TPTE: variants seen among roughly 807,000 people sequenced by gnomAD.
TPTE encodes the protein putative tyrosine-protein phosphatase TPTE.
TPTE carries 59 observed loss-of-function variants against 84.1 expected under a neutral mutation model. The ratio of observed to expected loss-of-function variants is 0.70; its 90% confidence interval spans 0.57 to 0.87. TPTE has a LOEUF of 0.87. TPTE is among the 40% of genes least tolerant of loss of function. The pLI is 0.00. For synonymous variants in TPTE, 130 were observed against 223.5 expected, an observed-to-expected ratio of 0.58 and a Z score of 3.73; for missense variants, 382 against 659.6, an observed-to-expected ratio of 0.58 and a Z score of 4.61.
intron 21 of TPTE, among the ~76,000 whole-genome samples, chr21:10,600,038 C>G (rs1306109025): frequency 1.1e-3 from 171 of 152,112 alleles, no homozygotes; most frequent in African/African-American, 4.0e-3. Context: ...CTCCTGGGCT[C>G]AAGCAGCCTG....
At chr21:10,558,166 C>G (rs1382164051) in intron 8 of TPTE, among the ~76,000 whole-genome samples, 5 of 152,424 alleles carry the variant, frequency 3.3e-5, no homozygotes, top group Admixed American at 6.5e-5. Context: ...TGATGGGTAC[C>G]TAGGTTGATT....
chr21:10,549,146 A>T (rs1043103343), intron 7 of TPTE, among the ~76,000 whole-genome samples: 1 of 152,308 alleles, frequency 6.6e-6, no homozygotes, highest in Non-Finnish European at 1.5e-5. Flanking sequence ...CTACATGGAG[A>T]CTACACTTAC....
chr21:10,554,105 T>C (rs1459771595), intron 8 of TPTE, among the ~76,000 whole-genome samples: 1 of 152,296 alleles, frequency 6.6e-6, no homozygotes, highest in African/African-American at 2.4e-5. Context: ...ACTTATTCTT[T>C]TGTAAATAAC....
At chr21:10,530,798 A>G (rs1326081068) in intron 3 of TPTE, among the ~76,000 whole-genome samples, 1 of 152,304 alleles carries the variant, frequency 6.6e-6, no homozygotes, top group Non-Finnish European at 1.5e-5. Flanking sequence ...GTTCCTACAC[A>G]TACACATTCA....
intron 7 of TPTE, among the ~76,000 whole-genome samples, chr21:10,547,156 G>A (rs1363818564): frequency 2.0e-5 from 3 of 152,308 alleles, no homozygotes; most frequent in Non-Finnish European, 4.4e-5. Flanking sequence ...AAATCCTGGG[G>A]CCCGTGCGAA....
At chr21:10,532,495 G>C (rs1248271800) in intron 3 of TPTE, among the ~76,000 whole-genome samples, 3 of 152,304 alleles carry the variant, frequency 2.0e-5, no homozygotes, top group Non-Finnish European at 4.4e-5. Flanking sequence ...CTCCAGTTCA[G>C]TGACTTATGC....
chr21:10,557,190 C>G (rs1351678008), intron 8 of TPTE, among the ~76,000 whole-genome samples: 1 of 152,310 alleles, frequency 6.6e-6, no homozygotes, highest in East Asian at 1.9e-4. Flanking sequence ...GGAGGCTATG[C>G]TTCGTGTTGC....
chr21:10,576,185 C>T, intron 14 of TPTE: 1 of 162,876 alleles, frequency 6.1e-6, no homozygotes, highest in Non-Finnish European at 1.3e-5. Flanking sequence ...AACCTAAATG[C>T]CAGTCGATGA....
intron 3 of TPTE, among the ~76,000 whole-genome samples, chr21:10,529,298 T>G (rs2074136059): frequency 6.6e-6 from 1 of 152,302 alleles, no homozygotes; most frequent in Admixed American, 6.5e-5. Flanking sequence ...TAAGTTTCAA[T>G]GCCAAAAATG....
chr21:10,570,058 A>T (rs1427135548), intron 13 of TPTE, among the ~76,000 whole-genome samples: 1 of 152,308 alleles, frequency 6.6e-6, no homozygotes, highest in Non-Finnish European at 1.5e-5. Flanking sequence ...ACCTCTTCTT[A>T]TCCTAGAATC....
At chr21:10,582,673 G>A (rs1459207384) in intron 17 of TPTE, among the ~76,000 whole-genome samples, 26 of 152,332 alleles carry the variant, frequency 1.7e-4, no homozygotes, top group African/African-American at 6.0e-4. Flanking sequence ...GACTGAAAAT[G>A]GAATCTCTTT....
chr21:10,564,719 A>G (rs533365367), intron 10 of TPTE, among the ~76,000 whole-genome samples: 11 of 152,426 alleles, frequency 7.2e-5, no homozygotes, highest in African/African-American at 2.6e-4. Context: ...TCAATGCGAT[A>G]CATTATATCC....
chr21:10,528,213 C>T (rs1447324035), intron 3 of TPTE, among the ~76,000 whole-genome samples: 11 of 144,260 alleles, frequency 7.6e-5, no homozygotes, highest in Non-Finnish European at 1.4e-4. Flanking sequence ...AAAAAAAAAT[C>T]GTGTATACAT....
At chr21:10,526,110 G>T (rs1183194535) in intron 2 of TPTE, among the ~76,000 whole-genome samples, 1 of 152,306 alleles carries the variant, frequency 6.6e-6, no homozygotes, top group East Asian at 1.9e-4. Flanking sequence ...TATTCATCCT[G>T]CTGAAAAGTA....
intron 21 of TPTE, among the ~76,000 whole-genome samples, 182 bp from the exon 22 acceptor site, chr21:10,601,876 C>T (rs1978566347): frequency 1.3e-5 from 2 of 152,306 alleles, no homozygotes; most frequent in Admixed American, 1.3e-4. Flanking sequence ...AATGTAAACA[C>T]ACACGCATAA....
intron 14 of TPTE, 27 bp downstream of exon 14, chr21:10,570,576 CATTTCTT>C: frequency 6.2e-7 from 1 of 1,613,918 alleles, no homozygotes; most frequent in South Asian, 1.1e-5. Flanking sequence ...GACAAATACT[CATTTCTT>C]AGTGAATGTA....
intron 8 of TPTE, among the ~76,000 whole-genome samples, chr21:10,553,346 G>A (rs1245424845): frequency 6.6e-6 from 1 of 152,418 alleles, no homozygotes; most frequent in East Asian, 1.9e-4. Flanking sequence ...CCATTCACCA[G>A]CTTGTGTCAA....
rs1436732426 is a variant in TPTE, at chr21:10,543,071, G to A, written c.120-258G>A. ...GGAGTCTCGCTCTGTCGCCCAGGCC[G>A]GACTGCGGACTGCAGTGGCGCAATC... On this transcript the variant is annotated intron_variant, in intron 6 of 23. Transcript: ENST00000618007. 9.4e-5 allele frequency among the ~76,000 whole-genome samples: 10 copies of A among 106,566 alleles called. 1 individual carries two copies. Among genetic ancestry groups the A allele is most frequent in the South Asian group, 6.3e-4 (2 of 3,174 alleles). The allele number at this position is 106,566 out of a possible 152,430, so 69.9% of individuals were successfully genotyped here. A position where few individuals can be genotyped will look rare whatever the true frequency, so the allele number is the denominator to read the frequency against.
intron 2 of TPTE, among the ~76,000 whole-genome samples, chr21:10,526,093 A>G (rs535729030): frequency 2.1e-3 from 322 of 152,308 alleles, no homozygotes; most frequent in Middle Eastern, 0.021. Context: ...TGCATAGACA[A>G]TCCAATTATT....
Sources: gnomAD v4.1 joint callset for allele counts (sites outside exome capture counted in the v4.1 genomes callset) on GRCh38, gnomAD v4.1.1 for gene constraint, MANE v1.5 for transcripts, NCBI Gene and HGNC (gene_info 2026-07-23, HGNC 2026-07-21) for gene names.